DENND2B: variants seen among roughly 807,000 people sequenced by gnomAD.
DENND2B encodes DENN domain containing 2B.
A neutral mutation model predicts 116.0 loss-of-function variants in DENND2B; 32 were observed. The ratio of observed to expected loss-of-function variants is 0.28; its 90% CI spans 0.21 to 0.37. The LOEUF is 0.37. Among genes scored for constraint, DENND2B ranks in the 10% least tolerant of loss-of-function variants. The pLI is 1.00. For missense variants in DENND2B, 1,276 were observed against 1,477.7 expected (o/e 0.86, Z 2.24); for synonymous variants, 588 against 583.9 (o/e 1.01, Z -0.10).
At chr11:8,776,226 T>A (rs1479198650) in intron 1 of DENND2B, 1 of 455,140 alleles carries the variant, frequency 2.2e-6, no homozygotes, top group Non-Finnish European at 4.4e-6. Context: ...GCTCCAAACA[T>A]GTCCACGTGT....
chr11:8,780,480 G>A (rs757014712), intron 1 of DENND2B, among the ~76,000 whole-genome samples: 1 of 152,088 alleles, frequency 6.6e-6, no homozygotes, highest in Non-Finnish European at 1.5e-5. Flanking sequence ...AGAATACAGG[G>A]GTATTCCTAC....
chr11:8,709,695 G>C (rs2043255108), intron 11 of DENND2B, among the ~76,000 whole-genome samples: 1 of 152,326 alleles, frequency 6.6e-6, no homozygotes. Context: ...GGTTCTGTAT[G>C]ACCTTGGGCA....
intron 1 of DENND2B, among the ~76,000 whole-genome samples, chr11:8,910,163 C>T (rs1348190015): frequency 6.6e-6 from 1 of 151,772 alleles, no homozygotes; most frequent in Non-Finnish European, 1.5e-5. Context: ...GAGAGCTGCG[C>T]TGAGGGATTA....
At chr11:8,731,360 G>A in intron 2 of DENND2B, 151 bp from the exon 3 acceptor site, 1 of 786,620 alleles carries the variant, frequency 1.3e-6, no homozygotes, top group Non-Finnish European at 1.9e-6. Flanking sequence ...TACCTTGAAG[G>A]CTGTCTTCAA....
chr11:8,795,253 A>G (rs530767237), intron 1 of DENND2B, among the ~76,000 whole-genome samples: 1 of 152,318 alleles, frequency 6.6e-6, no homozygotes, highest in South Asian at 2.1e-4. Context: ...AGAGTAAGCC[A>G]CCTAAGAACA....
intron 1 of DENND2B, 97 bp from the exon 2 acceptor site, chr11:8,750,822 T>G: frequency 1.9e-6 from 2 of 1,071,226 alleles, no homozygotes; most frequent in Non-Finnish European, 2.8e-6. Flanking sequence ...CAAGAGGGTG[T>G]CTGTGGCAGG....
At chr11:8,788,821 T>C (rs773551774) in intron 1 of DENND2B, among the ~76,000 whole-genome samples, 4 of 152,246 alleles carry the variant, frequency 2.6e-5, no homozygotes, top group Non-Finnish European at 5.9e-5. Context: ...CTTTTGACCA[T>C]TCACTACCTG....
intron 4 of DENND2B, among the ~76,000 whole-genome samples, chr11:8,829,160 T>C (rs1307144742): frequency 6.6e-6 from 1 of 150,482 alleles, no homozygotes; most frequent in Non-Finnish European, 1.5e-5. Context: ...GTGTGTGGTG[T>C]GTAGTATGTG....
chr11:8,721,509 TC>T (rs2046177809), intron 4 of DENND2B, among the ~76,000 whole-genome samples: 2 of 6,274 alleles, frequency 3.2e-4, no homozygotes, highest in Admixed American at 3.1e-3. Context: ...CCCAACAACC[TC>T]CGTCCGGTTC....
At chr11:8,781,332 G>A (rs915042291) in intron 1 of DENND2B, among the ~76,000 whole-genome samples, 10 of 152,180 alleles carry the variant, frequency 6.6e-5, no homozygotes, top group East Asian at 3.8e-4. Flanking sequence ...GCAACGTGGG[G>A]AGTTCAGAGC....
At chr11:8,887,349 G>T (rs1487082556) in intron 1 of DENND2B, among the ~76,000 whole-genome samples, 1 of 152,150 alleles carries the variant, frequency 6.6e-6, no homozygotes, top group Non-Finnish European at 1.5e-5. Context: ...GTTAGTCAGA[G>T]AACCAGGTTT....
chr11:8,741,209 C>T (rs1261011102), intron 2 of DENND2B, among the ~76,000 whole-genome samples: 1 of 152,188 alleles, frequency 6.6e-6, no homozygotes, highest in Non-Finnish European at 1.5e-5. Flanking sequence ...AGAGTCACAG[C>T]ATAAATTGAG....
intron 1 of DENND2B, chr11:8,785,358 A>G (rs571833261): frequency 6.6e-6 from 1 of 152,352 alleles, no homozygotes; most frequent in East Asian, 1.9e-4. Flanking sequence ...AAGTCACCAG[A>G]GGATAAAATG....
At chr11:8,858,640 C>A (rs916170397) in intron 2 of DENND2B, among the ~76,000 whole-genome samples, 1 of 152,118 alleles carries the variant, frequency 6.6e-6, no homozygotes, top group African/African-American at 2.4e-5. Flanking sequence ...TGATAGCATT[C>A]CATATGAGGG....
chr11:8,818,929 A>T (rs899507109), intron 4 of DENND2B, among the ~76,000 whole-genome samples: 1 of 152,244 alleles, frequency 6.6e-6, no homozygotes, highest in South Asian at 2.1e-4. Flanking sequence ...CAAGATGATT[A>T]TAAGTGGTAT....
At chr11:8,708,330 C>G (rs1270834217) in intron 11 of DENND2B, 1 of 985,318 alleles carries the variant, frequency 1.0e-6, no homozygotes, top group East Asian at 1.1e-4. Flanking sequence ...TGATCCACCT[C>G]CATTCTAAGA....
At chr11:8,811,041 A>C, upstream of DENND2B, 1 of 366,794 alleles carries the variant, frequency 2.7e-6, no homozygotes, top group Non-Finnish European at 4.8e-6. Context: ...ATTTTTTATA[A>C]CTTGGAAGAA....
At chr11:8,784,202 A>G (rs2058669451) in intron 1 of DENND2B, 1 of 151,642 alleles carries the variant, frequency 6.6e-6, no homozygotes, top group African/African-American at 2.4e-5. Flanking sequence ...GAACTATGAT[A>G]AAGAAGGTAA....
At chr11:8,841,356 T>C (rs1451101380) in intron 3 of DENND2B, among the ~76,000 whole-genome samples, 1 of 152,174 alleles carries the variant, frequency 6.6e-6, no homozygotes, top group Non-Finnish European at 1.5e-5. Flanking sequence ...ACGTGTGTTT[T>C]TGTGAAGCCA....
Sources: gnomAD v4.1 joint callset for allele counts (sites outside exome capture counted in the v4.1 genomes callset) on GRCh38, gnomAD v4.1.1 for gene constraint, MANE v1.5 for transcripts, NCBI Gene and HGNC (gene_info 2026-07-23, HGNC 2026-07-21) for gene names.